NRG3: variants seen among roughly 807,000 people sequenced by gnomAD.
The protein encoded by NRG3 is neuregulin 3.
Under a neutral mutation model 66.9 loss-of-function variants are expected in NRG3, and 31 were observed. The ratio of observed to expected loss-of-function variants is 0.46; its 90% CI spans 0.35 to 0.63. NRG3 has a LOEUF of 0.63. NRG3 is among the 20% of genes least tolerant of loss of function. NRG3 has a pLI of 0.00. For missense variants in NRG3, 910 were observed against 878.9 expected (o/e 1.04, Z -0.45); for synonymous variants, 393 against 359.4 (o/e 1.09, Z -1.06).
At chr10:82,030,822 G>A (rs574297862) in intron 1 of NRG3, among the ~76,000 whole-genome samples, 1 of 152,108 alleles carries the variant, frequency 6.6e-6, no homozygotes, top group South Asian at 2.1e-4. Flanking sequence ...GAACCAAGAA[G>A]GTTTAAAACA....
chr10:82,511,665 G>A (rs573459382), intron 2 of NRG3, among the ~76,000 whole-genome samples: 1 of 152,156 alleles, frequency 6.6e-6, no homozygotes, highest in Non-Finnish European at 1.5e-5. Context: ...GCAGGAAGGA[G>A]CCAGGGGATT....
intron 1 of NRG3, among the ~76,000 whole-genome samples, chr10:82,156,932 C>T (rs1356697946): frequency 6.6e-6 from 1 of 151,626 alleles, no homozygotes; most frequent in Non-Finnish European, 1.5e-5. Flanking sequence ...CCCATGGCAA[C>T]AATGGAGCTT....
At chr10:82,580,466 A>G (rs2046293160) in intron 2 of NRG3, among the ~76,000 whole-genome samples, 1 of 151,984 alleles carries the variant, frequency 6.6e-6, no homozygotes, top group South Asian at 2.1e-4. Flanking sequence ...GGTTTTGACA[A>G]ACACATGATG....
intron 2 of NRG3, among the ~76,000 whole-genome samples, chr10:82,386,760 T>C (rs1007831831): frequency 7.2e-5 from 11 of 152,150 alleles, no homozygotes; most frequent in African/African-American, 2.4e-4. Context: ...CAGGAGTTAG[T>C]TCAGTCTTGG....
intron 2 of NRG3, among the ~76,000 whole-genome samples, chr10:82,370,889 G>C (rs7086556): frequency 0.2 from 30,092 of 151,664 alleles, 3,244 homozygotes; most frequent in East Asian, 0.3. Context: ...AGCGATTCTG[G>C]TGGCTTTATG....
intron 1 of NRG3, among the ~76,000 whole-genome samples, chr10:82,268,590 C>T (rs951991083): frequency 5.3e-5 from 8 of 152,028 alleles, no homozygotes; most frequent in Admixed American, 2.0e-4. Context: ...GGATTCTGGC[C>T]GTATTATGAA....
At chr10:81,903,821 C>T (rs1360926604) in intron 1 of NRG3, among the ~76,000 whole-genome samples, 1 of 152,008 alleles carries the variant, frequency 6.6e-6, no homozygotes, top group Non-Finnish European at 1.5e-5. Flanking sequence ...AAGATGGAAA[C>T]CTAATTATTC....
Position 82,428,477 on chromosome 10 carries a change from GTTGT to G in NRG3, c.953+69620_953+69623del, listed in dbSNP as rs370485644. Among the ~76,000 whole-genome samples, 48 of 151,646 alleles carry G rather than the reference GTTGT, an allele frequency of 3.2e-4. 1 individual carries two copies. The highest frequency in any genetic ancestry group is 1.4e-3 in the East Asian group (7 of 5,158). ...TTATTTAACAGTGTGGGTTTTGTTT[GTTGT>G]TTGTTTGTTTTTTACTTACATATAT... On this transcript the variant is annotated intron_variant, in intron 2 of 8. Transcript: ENST00000372141.
intron 1 of NRG3, among the ~76,000 whole-genome samples, chr10:82,351,931 G>A (rs960734600): frequency 2.0e-4 from 30 of 152,282 alleles, no homozygotes; most frequent in South Asian, 2.1e-4. Context: ...CACTCAGTTA[G>A]CAATTGTCTT....
intron 7 of NRG3, among the ~76,000 whole-genome samples, chr10:82,974,786 T>G (rs1286961736): frequency 1.3e-5 from 2 of 152,234 alleles, no homozygotes; most frequent in Admixed American, 6.5e-5. Context: ...TGTTTTCACA[T>G]GCTGGGCAAT....
intron 1 of NRG3, among the ~76,000 whole-genome samples, chr10:81,943,587 G>A (rs1848579912): frequency 6.6e-6 from 1 of 152,182 alleles, no homozygotes; most frequent in Admixed American, 6.6e-5. Context: ...GGATCTGAAA[G>A]GGGATCAATG....
chr10:82,078,379 C>A (rs2065208095), intron 1 of NRG3, among the ~76,000 whole-genome samples: 1 of 152,210 alleles, frequency 6.6e-6, no homozygotes. Context: ...GAGACAGAAT[C>A]TTGCTCTGTC....
intron 1 of NRG3, among the ~76,000 whole-genome samples, chr10:82,257,231 G>T (rs571342271): frequency 2.0e-5 from 3 of 152,288 alleles, no homozygotes; most frequent in South Asian, 2.1e-4. Context: ...GGAAGGTCTA[G>T]TGAAAGGGAA....
chr10:82,098,352 T>C lies in NRG3; in HGVS notation c.823+222189T>C, dbSNP rs186988343. On this transcript the variant is annotated intron_variant, in intron 1 of 8. Coordinates refer to ENST00000372141, the MANE Select transcript of NRG3 (RefSeq NM_001010848.4). Reference sequence around the variant, plus strand: ...ATATATGACATATATATAGATGACATCTATATGACATCTGTATATGAGAAA... The same window carrying C: ...ATATATGACATATATATAGATGACACCTATATGACATCTGTATATGAGAAA... 3.3e-5 allele frequency among the ~76,000 whole-genome samples: 5 copies of C among 151,888 alleles called. No individual in the cohort carries two copies. The East Asian group carries it at 9.7e-4, about 29-fold the overall frequency.
intron 2 of NRG3, among the ~76,000 whole-genome samples, chr10:82,636,572 C>T (rs1392735892): frequency 2.6e-5 from 4 of 152,062 alleles, no homozygotes; most frequent in African/African-American, 4.8e-5. Flanking sequence ...CAGGGTTATC[C>T]ATGTTGCAGC....
chr10:81,978,911 C>T (rs984700548), intron 1 of NRG3, among the ~76,000 whole-genome samples: 5 of 152,016 alleles, frequency 3.3e-5, no homozygotes, highest in Non-Finnish European at 7.4e-5. Flanking sequence ...AATTTCCTGG[C>T]CGGGCGTGGT....
chr10:82,565,033 GA>G (rs1839759803), intron 2 of NRG3, among the ~76,000 whole-genome samples: 1 of 152,070 alleles, frequency 6.6e-6, no homozygotes, highest in African/African-American at 2.4e-5. Context: ...ACACTGTTGG[GA>G]ACGAGGTTCA....
chr10:82,264,570 A>G (rs139333536), intron 1 of NRG3, among the ~76,000 whole-genome samples: 5 of 152,322 alleles, frequency 3.3e-5, no homozygotes, highest in Non-Finnish European at 7.4e-5. Context: ...TAAGCTCACC[A>G]AAGGCGTATG....
chr10:82,556,105 A>G (rs1174543001), intron 2 of NRG3, among the ~76,000 whole-genome samples: 3 of 152,110 alleles, frequency 2.0e-5, no homozygotes, highest in East Asian at 1.9e-4. Flanking sequence ...ATGTTCTCCT[A>G]TTTAAAACAC....
Sources: allele counts gnomAD v4.1 joint callset (sites outside exome capture counted in the v4.1 genomes callset), GRCh38; gene constraint gnomAD v4.1.1; transcripts MANE v1.5; gene names NCBI Gene and HGNC (gene_info 2026-07-23, HGNC 2026-07-21).